FAM184A: variants seen among roughly 807,000 people sequenced by gnomAD.
The protein encoded by FAM184A is family with sequence similarity 184 member A.
In FAM184A, 99 loss-of-function variants were observed where a neutral mutation model predicts 143.8. The observed-to-expected ratio is 0.69, with a 90% CI of 0.58 to 0.81. The LOEUF (loss-of-function observed/expected upper bound fraction) is 0.81, where lower values mean the gene tolerates loss of function less well. Ranked by LOEUF, FAM184A falls within the 40% of genes least tolerant of loss-of-function variation. FAM184A has a pLI of 0.00. For missense variants in FAM184A, 1,217 were observed against 1,310.5 expected (o/e 0.93, Z 1.10); for synonymous variants, 427 against 446.4 (o/e 0.96, Z 0.55).
intron 1 of FAM184A, among the ~76,000 whole-genome samples, chr6:119,105,434 C>A (rs1056085565): frequency 1.3e-5 from 2 of 152,142 alleles, no homozygotes; most frequent in African/African-American, 4.8e-5. Context: ...CCCCCTCACT[C>A]GCTGTCTCTC....
rs754348032 is a variant in FAM184A at position 118,974,418 on chromosome 6, T to C, written c.2915+10A>G. 6.2e-7 allele frequency: 1 copy of C among 1,602,898 alleles called. No homozygotes were observed. The highest frequency in any genetic ancestry group is 1.1e-5 in the South Asian group (1 of 88,276). On this transcript the variant is annotated intron_variant, in intron 14 of 17. Transcript: ENST00000338891. ...TCCACATATGAATTTTCTTATATAATATGACTTACGACACTTGTAAAGCGG... is the reference window on the plus strand; with the variant it reads ...TCCACATATGAATTTTCTTATATAACATGACTTACGACACTTGTAAAGCGG...
At chr6:119,000,567 T>C (rs1449244254) in intron 9 of FAM184A, among the ~76,000 whole-genome samples, 1 of 152,196 alleles carries the variant, frequency 6.6e-6, no homozygotes, top group African/African-American at 2.4e-5. Flanking sequence ...AGGCAGCCCA[T>C]GATGGCCGGC....
chr6:119,042,141 T>C (rs970469977), intron 1 of FAM184A, among the ~76,000 whole-genome samples: 5 of 152,076 alleles, frequency 3.3e-5, no homozygotes, highest in Non-Finnish European at 5.9e-5. Flanking sequence ...TAGGGGAATA[T>C]GGTAAGACTG....
intron 1 of FAM184A, among the ~76,000 whole-genome samples, chr6:119,107,416 G>A (rs1054705813): frequency 6.6e-6 from 1 of 152,126 alleles, no homozygotes; most frequent in African/African-American, 2.4e-5. Context: ...TGAGGGAAGG[G>A]TAAGAGGAGC....
At chr6:119,142,359 G>A (rs888144516) in intron 1 of FAM184A, among the ~76,000 whole-genome samples, 39 of 152,174 alleles carry the variant, frequency 2.6e-4, no homozygotes, top group African/African-American at 9.4e-4. Flanking sequence ...ATAACGCAAT[G>A]CAGCAGAGGG....
At chr6:119,083,406 G>T (rs866052718), upstream of FAM184A, among the ~76,000 whole-genome samples, 1 of 152,202 alleles carries the variant, frequency 6.6e-6, no homozygotes, top group African/African-American at 2.4e-5. Context: ...ACAGGATCAG[G>T]CTGCAAATTT....
chr6:119,034,339 C>T (rs1786026622), intron 1 of FAM184A, among the ~76,000 whole-genome samples: 2 of 151,584 alleles, frequency 1.3e-5, no homozygotes, highest in African/African-American at 4.8e-5. Context: ...TATCAGAACC[C>T]ATCACTAAAT....
Position 119,006,573 on chromosome 6 carries a change from T to A in FAM184A, c.1689A>T (p.Glu563Asp). 6.2e-7 allele frequency: 1 copy of A among 1,613,596 alleles called. No homozygotes were observed. Residue 563 changes from glutamate (E) to aspartate (D), a missense_variant, in exon 7 of 18, where the codon GAA becomes GAT. Glu to Asp is a conservative substitution (Grantham distance 45). Transcript: ENST00000338891. The stretch of plus-strand genomic sequence containing the variant: ...GTCCTTCTGCAGAGCCAAGACCTTG[T>A]TCACTTTTCCTTACCATATCTTGGA... Reference protein sequence around the residue: ...GHLQDMVRKSEQGLGSAEGLI... With the variant: ...GHLQDMVRKSDQGLGSAEGLI...
In FAM184A at chr6:119,045,521, C is replaced by G. The variant is rs185975940; in HGVS notation, c.160-20708G>C. Among the ~76,000 whole-genome samples, 470 of 152,166 alleles carry G rather than the reference C, an allele frequency of 3.1e-3. 2 individuals carry two copies. The highest frequency in any genetic ancestry group is 5.2e-3 in the Non-Finnish European group (352 of 68,006). On this transcript the variant is annotated intron_variant, in intron 1 of 17. Transcript: ENST00000338891. ...GAGAAAAAATCACCCACAAAGCAAC[C>G]TTGGAGCAGTGACTTAACAGCAGAT... is the stretch of plus-strand genomic sequence containing the variant.
chr6:119,091,524 G>C (rs964171164), intron 1 of FAM184A, among the ~76,000 whole-genome samples: 1 of 152,150 alleles, frequency 6.6e-6, no homozygotes, highest in Non-Finnish European at 1.5e-5. Context: ...CCATAGTCTT[G>C]TGCCCATGTT....
At chr6:118,992,772 A>C (rs1784418803) in intron 9 of FAM184A, among the ~76,000 whole-genome samples, 1 of 152,144 alleles carries the variant, frequency 6.6e-6, no homozygotes, top group Non-Finnish European at 1.5e-5. Context: ...ACAAAAAAAC[A>C]AAAACAAAAT....
chr6:118,963,324 A>C (rs532227249), intron 16 of FAM184A: 66 of 152,160 alleles, frequency 4.3e-4, no homozygotes, highest in African/African-American at 1.5e-3. Flanking sequence ...TATTTTTAGT[A>C]TATCTTTTTT....
At chr6:119,090,760 G>A (rs1187087260) in intron 1 of FAM184A, among the ~76,000 whole-genome samples, 1 of 152,062 alleles carries the variant, frequency 6.6e-6, no homozygotes, top group Non-Finnish European at 1.5e-5. Flanking sequence ...TTTTACCCTT[G>A]GTGAGCACTT....
chr6:119,010,019 T>C (rs749402910), intron 6 of FAM184A, among the ~76,000 whole-genome samples: 1 of 152,180 alleles, frequency 6.6e-6, no homozygotes, highest in Non-Finnish European at 1.5e-5. Flanking sequence ...AGGCAGCTGC[T>C]AGGCCATGTG....
intron 9 of FAM184A, among the ~76,000 whole-genome samples, chr6:118,994,748 G>A (rs1178496636): frequency 6.6e-6 from 1 of 151,272 alleles, no homozygotes; most frequent in Non-Finnish European, 1.5e-5. Flanking sequence ...AAGCCAGAGG[G>A]TTATCATCAC....
Position 119,078,508 on chromosome 6 carries a change from G to A in FAM184A, c.-209C>T, listed in dbSNP as rs113887699. ...CGGTCCCGCCGGCCCGAAGCCGCGG[G>A]GACAACGGCGCGGGGCAGATGCCCG... On this transcript the variant is annotated 5_prime_UTR_variant, in exon 1 of 18. Transcript: ENST00000338891. This position sits in a 1 kb window ranked among gnomAD's most constrained non-coding sequence, Gnocchi z 5.5. The A allele has an allele frequency of 7.7e-6, 3 of 388,018 alleles. No homozygotes were observed. Among genetic ancestry groups the A allele is most frequent in the African/African-American group, 4.2e-5 (2 of 47,714 alleles). 24.0% of individuals were successfully genotyped at this position (388,018 alleles called of 1,614,324 possible).
intron 1 of FAM184A, among the ~76,000 whole-genome samples, chr6:119,132,104 A>G (rs941689466): frequency 6.6e-6 from 1 of 152,210 alleles, no homozygotes; most frequent in Non-Finnish European, 1.5e-5. Flanking sequence ...AATTTTAAAA[A>G]CTTTGCTCCC....
intron 1 of FAM184A, among the ~76,000 whole-genome samples, chr6:119,129,768 A>G (rs1789483606): frequency 6.6e-6 from 1 of 152,048 alleles, no homozygotes; most frequent in East Asian, 1.9e-4. Flanking sequence ...TTTGCATAAA[A>G]GACTATTTTT....
intron 1 of FAM184A, among the ~76,000 whole-genome samples, chr6:119,053,147 C>G (rs1043762733): frequency 4.6e-5 from 7 of 152,172 alleles, no homozygotes; most frequent in Non-Finnish European, 8.8e-5. Flanking sequence ...CTATTTGGGT[C>G]ATACATACAC....
Sources: gnomAD v4.1 joint callset for allele counts (sites outside exome capture counted in the v4.1 genomes callset) on GRCh38, gnomAD v4.1.1 for gene constraint, Gnocchi (gnomAD v3.1) non-coding constraint, MANE v1.5 for transcripts, NCBI Gene and HGNC (gene_info 2026-07-23, HGNC 2026-07-21) for gene names.